The following WWOX variants were observed in gnomAD, a reference collection of about 807,000 sequenced individuals.
WWOX encodes WW domain-containing oxidoreductase.
WWOX carries 69 observed loss-of-function variants against 46.2 expected under a neutral mutation model. The ratio of observed to expected loss-of-function variants is 1.49; its 90% CI spans 1.23 to 1.82. The LOEUF is 1.82. Among genes scored for constraint, WWOX ranks in the 40% most tolerant of loss-of-function variants. The probability of loss-of-function intolerance (pLI) is 0.00; values close to 1 mark genes in which losing one functional copy is unlikely to be tolerated. For synonymous variants in WWOX, 359 were observed against 202.6 expected, an observed-to-expected ratio of 1.77 and a Z score of -6.56; for missense variants, 919 against 542.6, an observed-to-expected ratio of 1.69 and a Z score of -6.89.
In WWOX at chr16:78,378,068, A is replaced by T. The variant is rs549224688; in HGVS notation, c.517-8792A>T. On this transcript the variant is annotated intron_variant, in intron 5 of 8. Coordinates refer to ENST00000566780, the MANE Select transcript of WWOX (RefSeq NM_016373.4). Reference sequence around the variant, plus strand: ...CTGGATGGTTGATTTGAAGGTTAGGAATGGCAAACTCAGCCTCTGTTCTTC... The same window carrying T: ...CTGGATGGTTGATTTGAAGGTTAGGTATGGCAAACTCAGCCTCTGTTCTTC... 1.5e-3 allele frequency among the ~76,000 whole-genome samples: 226 copies of T among 152,002 alleles called. 1 individual carries two copies. The highest frequency in any genetic ancestry group is 0.014 in the Middle Eastern group (4 of 294).
chr16:78,962,377 C>A (rs1307369689), intron 8 of WWOX, among the ~76,000 whole-genome samples: 3 of 128,316 alleles, frequency 2.3e-5, no homozygotes, highest in African/African-American at 5.9e-5. Flanking sequence ...AAGAAAAGGC[C>A]CAAAGGCTCT....
At chr16:78,896,371 G>C (rs1439831631) in intron 8 of WWOX, 1 of 152,090 alleles carries the variant, frequency 6.6e-6, no homozygotes, top group Non-Finnish European at 1.5e-5. Flanking sequence ...AAACGGGCTG[G>C]GACCACTGAT....
intron 8 of WWOX, among the ~76,000 whole-genome samples, chr16:78,744,770 G>A (rs545641261): frequency 4.5e-4 from 68 of 152,250 alleles, no homozygotes; most frequent in Middle Eastern, 6.8e-3. Flanking sequence ...CCCGAAAACA[G>A]TGTGGAAAAT....
chr16:78,328,852 C>CTTTTG (rs2080693958), intron 5 of WWOX, among the ~76,000 whole-genome samples: 1 of 138,418 alleles, frequency 7.2e-6, no homozygotes, highest in Non-Finnish European at 1.6e-5. Flanking sequence ...CTTTTGTTTT[C>CTTTTG]TTTTCTTTTC....
At chr16:78,301,634 G>C (rs1166744167) in intron 5 of WWOX, among the ~76,000 whole-genome samples, 3 of 152,162 alleles carry the variant, frequency 2.0e-5, no homozygotes, top group African/African-American at 7.2e-5. Flanking sequence ...AGCTGGAAAG[G>C]AAGATTCAAG....
intron 6 of WWOX, among the ~76,000 whole-genome samples, chr16:78,391,436 G>T (rs371708373): frequency 1.3e-5 from 2 of 152,210 alleles, no homozygotes; most frequent in East Asian, 3.8e-4. Context: ...GAGCAAGTAG[G>T]AGATCCAGAA....
intron 6 of WWOX, among the ~76,000 whole-genome samples, chr16:78,423,376 A>T (rs1449346383): frequency 2.0e-5 from 3 of 152,202 alleles, no homozygotes; most frequent in South Asian, 2.1e-4. Flanking sequence ...TCTAAATGTA[A>T]TAATTCCTCA....
At chr16:78,573,442 C>T (rs2044768981) in intron 8 of WWOX, among the ~76,000 whole-genome samples, 2 of 152,200 alleles carry the variant, frequency 1.3e-5, no homozygotes, top group South Asian at 4.1e-4. Flanking sequence ...TGTGGTATTA[C>T]ACCCTGTGAT....
intron 8 of WWOX, among the ~76,000 whole-genome samples, chr16:78,748,882 T>C (rs572482151): frequency 1.3e-5 from 2 of 152,332 alleles, no homozygotes; most frequent in East Asian, 1.9e-4. Flanking sequence ...GGGAGGTGAA[T>C]TGATTTGCAA....
At chr16:79,032,845 G>T (rs2047792006) in intron 8 of WWOX, among the ~76,000 whole-genome samples, 1 of 151,342 alleles carries the variant, frequency 6.6e-6, no homozygotes, top group South Asian at 2.1e-4. Context: ...GGGGTTTGTT[G>T]TACAGATGAT....
chr16:79,192,421 A>G (rs2051155285), intron 8 of WWOX, among the ~76,000 whole-genome samples: 2 of 152,100 alleles, frequency 1.3e-5, no homozygotes, highest in Admixed American at 6.6e-5. Flanking sequence ...TACTGGGGAG[A>G]TGTGTGTGAA....
intron 8 of WWOX, among the ~76,000 whole-genome samples, chr16:79,009,132 G>C (rs2047250015): frequency 6.6e-6 from 1 of 152,216 alleles, no homozygotes; most frequent in South Asian, 2.1e-4. Flanking sequence ...AGGCTTAATG[G>C]ATGATCATCT....
At position 79,211,752 on chromosome 16, in the gene WWOX, A is replaced by C. The variant is rs776896299; in HGVS notation, c.1201A>C (p.Ser401Arg). 1 of 1,614,206 alleles carries C rather than the reference A, an allele frequency of 6.2e-7. No individual in the cohort carries two copies. The highest frequency in any genetic ancestry group is 2.2e-5 in the East Asian group (1 of 44,878). ...GACGGCCCGGACCCTGTGGGCGCTCAGCGAGAGGCTGATCCAAGAACGGCT... is the reference window on the plus strand; with the variant it reads ...GACGGCCCGGACCCTGTGGGCGCTCCGCGAGAGGCTGATCCAAGAACGGCT... ...EETARTLWAL[S>R]ERLIQERLGS... The change falls in exon 9 of 9, where the codon AGC becomes CGC. Residue 401 changes from serine to arginine, a missense_variant. Physicochemically the swap from Ser to Arg is moderately radical, Grantham distance 110. Transcript: ENST00000566780.
At chr16:78,721,785 T>C (rs1290237729) in intron 8 of WWOX, among the ~76,000 whole-genome samples, 1 of 152,168 alleles carries the variant, frequency 6.6e-6, no homozygotes, top group Non-Finnish European at 1.5e-5. Flanking sequence ...TAGCAGGTGC[T>C]CCGAAGATAC....
chr16:78,625,484 G>C lies in WWOX; in HGVS notation c.1056+192732G>C, dbSNP rs188882447. On this transcript the variant is annotated intron_variant, in intron 8 of 8. Coordinates refer to ENST00000566780, the MANE Select transcript of WWOX (RefSeq NM_016373.4). Reference sequence around the variant, plus strand: ...TTATTTTTTGAAACAGACTTCGTTAGAACATCTTTAGATTTAAAGAAAAAT... The same window carrying C: ...TTATTTTTTGAAACAGACTTCGTTACAACATCTTTAGATTTAAAGAAAAAT... Among the ~76,000 whole-genome samples the C allele has an allele frequency of 2.4e-3, 372 of 152,126 alleles. 2 individuals are homozygous for C. Among genetic ancestry groups the C allele is most frequent in the African/African-American group, 8.6e-3 (357 of 41,524 alleles).
At chr16:78,556,432 G>C (rs151274526) in intron 8 of WWOX, among the ~76,000 whole-genome samples, 1 of 152,150 alleles carries the variant, frequency 6.6e-6, no homozygotes, top group African/African-American at 2.4e-5. Context: ...CACGGGGAAC[G>C]GTCAGGGAAT....
At chr16:79,020,441 C>A (rs754398299) in intron 8 of WWOX, among the ~76,000 whole-genome samples, 1 of 152,140 alleles carries the variant, frequency 6.6e-6, no homozygotes, top group Non-Finnish European at 1.5e-5. Flanking sequence ...TCAGTTTCTT[C>A]ATATATAAAA....
At chr16:78,975,855 A>G (rs1597227677) in intron 8 of WWOX, among the ~76,000 whole-genome samples, 1 of 151,968 alleles carries the variant, frequency 6.6e-6, no homozygotes, top group African/African-American at 2.4e-5. Context: ...AACCGTAAGG[A>G]CCCTTGCCAT....
At chr16:78,371,472 G>C (rs1036091272) in intron 5 of WWOX, among the ~76,000 whole-genome samples, 1 of 151,832 alleles carries the variant, frequency 6.6e-6, no homozygotes, top group Admixed American at 6.6e-5. Flanking sequence ...TCTTTTAGTT[G>C]GTTTATACTC....
Sources: gnomAD v4.1 joint callset for allele counts (sites outside exome capture counted in the v4.1 genomes callset) on GRCh38, gnomAD v4.1.1 for gene constraint, MANE v1.5 for transcripts, NCBI Gene and HGNC (gene_info 2026-07-23, HGNC 2026-07-21) for gene names.